The following ARHGEF26 variants were observed in gnomAD, a reference collection of about 807,000 sequenced individuals.
ARHGEF26 encodes Rho guanine nucleotide exchange factor 26.
Under a neutral mutation model 89.4 loss-of-function variants are expected in ARHGEF26, and 59 were observed. The observed-to-expected ratio is 0.66, with a 90% CI of 0.54 to 0.82. ARHGEF26 has a LOEUF of 0.82. Among genes scored for constraint, ARHGEF26 ranks in the 40% least tolerant of loss-of-function variants. The pLI is 0.00. For missense variants in ARHGEF26, 1,234 were observed against 1,085.6 expected (o/e 1.14, Z -1.92); for synonymous variants, 500 against 428.4 (o/e 1.17, Z -2.06).
intron 6 of ARHGEF26, among the ~76,000 whole-genome samples, chr3:154,181,530 T>C (rs951153832): frequency 2.0e-5 from 3 of 152,194 alleles, no homozygotes; most frequent in Admixed American, 2.0e-4. Context: ...GCATTGATTA[T>C]AACCAGAGCT....
chr3:154,157,735 T>C (rs1711499470), intron 6 of ARHGEF26, among the ~76,000 whole-genome samples: 1 of 152,076 alleles, frequency 6.6e-6, no homozygotes, highest in Admixed American at 6.6e-5. Context: ...TGACTATCAT[T>C]GGAAATTGTA....
At chr3:154,244,752 C>A (rs971533530) in intron 12 of ARHGEF26, among the ~76,000 whole-genome samples, 2 of 151,972 alleles carry the variant, frequency 1.3e-5, no homozygotes, top group African/African-American at 2.4e-5. Context: ...TCATTTTCTT[C>A]CCCCATGTGA....
At chr3:154,164,992 A>G (rs1302961402) in intron 6 of ARHGEF26, among the ~76,000 whole-genome samples, 2 of 152,168 alleles carry the variant, frequency 1.3e-5, no homozygotes, top group Admixed American at 6.5e-5. Context: ...GGCATTAAGG[A>G]TTTTTAGGAA....
intron 11 of ARHGEF26, among the ~76,000 whole-genome samples, chr3:154,235,894 T>C (rs1267247448): frequency 1.3e-5 from 2 of 152,194 alleles, no homozygotes; most frequent in Non-Finnish European, 1.5e-5. Flanking sequence ...CAGATACATA[T>C]ATGGAGCTTT....
At chr3:154,177,202 A>G (rs908794498) in intron 6 of ARHGEF26, among the ~76,000 whole-genome samples, 3 of 152,242 alleles carry the variant, frequency 2.0e-5, no homozygotes, top group Non-Finnish European at 4.4e-5. Flanking sequence ...TTATAATTCT[A>G]AATTTACTGT....
chr3:154,175,497 A>T (rs1712758525), intron 6 of ARHGEF26, among the ~76,000 whole-genome samples: 1 of 152,218 alleles, frequency 6.6e-6, no homozygotes, highest in South Asian at 2.1e-4. Context: ...AAAACCTTTA[A>T]AATTGTATTT....
chr3:154,189,299 G>A (rs1418860145), intron 7 of ARHGEF26, among the ~76,000 whole-genome samples: 1 of 149,902 alleles, frequency 6.7e-6, no homozygotes, highest in Non-Finnish European at 1.5e-5. Flanking sequence ...GTGGCAATTA[G>A]TAGTGTTTTC....
rs557546401 is a variant in ARHGEF26, at chr3:154,254,651, G to T, written c.2369-69G>T. 4 of 1,196,104 alleles carry T rather than the reference G, an allele frequency of 3.3e-6. No individual in the cohort carries two copies. In the African/African-American group the frequency reaches 6.0e-5, roughly 18 times the overall value. 74.1% of individuals were successfully genotyped at this position (1,196,104 alleles called of 1,614,324 possible). A position where few individuals can be genotyped will look rare whatever the true frequency, so the allele number is the denominator to read the frequency against. On this transcript the variant is annotated intron_variant, in intron 13 of 14. Transcript: ENST00000465093. ...GAATTGCAGAGAAAAATAAGTAAGTGTACATTATTGGATTGCACATGTTTT... is the reference window on the plus strand; with the variant it reads ...GAATTGCAGAGAAAAATAAGTAAGTTTACATTATTGGATTGCACATGTTTT...
At chr3:154,176,389 A>AT (rs1310923712) in intron 6 of ARHGEF26, among the ~76,000 whole-genome samples, 1 of 152,150 alleles carries the variant, frequency 6.6e-6, no homozygotes, top group Non-Finnish European at 1.5e-5. Flanking sequence ...CACTGTAATT[A>AT]TTAAGAGGCA....
intron 10 of ARHGEF26, among the ~76,000 whole-genome samples, chr3:154,222,239 A>G (rs1382443275): frequency 1.3e-5 from 2 of 152,146 alleles, no homozygotes; most frequent in Admixed American, 6.5e-5. Context: ...TTTGTAGGGC[A>G]TGTGTGTGTG....
At chr3:154,246,033 G>T (rs1029987425) in intron 12 of ARHGEF26, among the ~76,000 whole-genome samples, 7 of 152,166 alleles carry the variant, frequency 4.6e-5, no homozygotes, top group Non-Finnish European at 8.8e-5. Context: ...TCATGATCCA[G>T]TTAAAAATAA....
At chr3:154,197,351 A>T (rs1373689118) in intron 9 of ARHGEF26, among the ~76,000 whole-genome samples, 4 of 152,204 alleles carry the variant, frequency 2.6e-5, no homozygotes, top group Non-Finnish European at 5.9e-5. Flanking sequence ...AACAATATGA[A>T]TATTTTCAGC....
At chr3:154,225,099 T>C (rs1322352165) in intron 10 of ARHGEF26, among the ~76,000 whole-genome samples, 1 of 152,118 alleles carries the variant, frequency 6.6e-6, no homozygotes, top group Admixed American at 6.5e-5. Flanking sequence ...TTCTGTAGTT[T>C]TGAGAGTTTT....
At chr3:154,184,327 TAAATGAC>T (rs889467755) in intron 6 of ARHGEF26, among the ~76,000 whole-genome samples, 14 of 152,236 alleles carry the variant, frequency 9.2e-5, no homozygotes, top group African/African-American at 2.7e-4. Flanking sequence ...CAGTTGGAGT[TAAATGAC>T]AAATATTTCA....
chr3:154,217,966 C>G lies in ARHGEF26; in HGVS notation c.1935+8C>G, dbSNP rs1227909440. ...CTGGAATTTAAAATTAAGGTATTCTCGTACCTTGTTCATTACTGTTCTTGC... is the reference window on the plus strand; with the variant it reads ...CTGGAATTTAAAATTAAGGTATTCTGGTACCTTGTTCATTACTGTTCTTGC... On this transcript the variant is annotated splice_region_variant and intron_variant, in intron 10 of 14. Coordinates refer to ENST00000465093, the MANE Select transcript of ARHGEF26 (RefSeq NM_015595.4). 1.9e-6 allele frequency: 3 copies of G among 1,564,218 alleles called. No homozygotes were observed. The highest frequency in any genetic ancestry group is 2.7e-5 in the African/African-American group (2 of 73,892).
chr3:154,146,211 C>T (rs896012), intron 4 of ARHGEF26, among the ~76,000 whole-genome samples: 32,158 of 152,094 alleles, frequency 0.21, 4,432 homozygotes, highest in East Asian at 0.48. Context: ...TACATCTTCA[C>T]GTGGTAGAAG....
rs776704269 is a variant in ARHGEF26, at chr3:154,122,452, G to A, written c.460G>A (p.Ala154Thr). The stretch of plus-strand genomic sequence containing the variant: ...CCCCCCGCGGACTCCTAACGCGCCC[G>A]CCCCCTGCACCCCCGAGGAGGACCT... ...LRPPRTPNAP[A>T]PCTPEEDLTG... is the part of the protein sequence containing the mutation. The change falls in exon 2 of 15, where the codon GCC becomes ACC. Residue 154 changes from alanine (A) to threonine (T), a missense_variant. Physicochemically the swap from Ala to Thr is moderately conservative, Grantham distance 58. Transcript: ENST00000465093. 7 of 1,611,768 alleles carry A rather than the reference G, an allele frequency of 4.3e-6. No individual in the cohort carries two copies. Among genetic ancestry groups the A allele is most frequent in the Admixed American group, 3.3e-5 (2 of 59,896 alleles).
At chr3:154,200,604 G>A (rs545610284) in intron 9 of ARHGEF26, among the ~76,000 whole-genome samples, 1 of 151,758 alleles carries the variant, frequency 6.6e-6, no homozygotes, top group East Asian at 1.9e-4. Context: ...AATGTCATTG[G>A]TATTTTGTTA....
rs1331272937 is a variant in ARHGEF26 at position 154,257,008 on chromosome 3, A to G, written c.*1535A>G. Reference sequence around the variant, plus strand: ...CTTTAACAAAGGGATAAAACCTGGCAAAGTGTACATTATTGGAGGACTCAA... The same window carrying G: ...CTTTAACAAAGGGATAAAACCTGGCGAAGTGTACATTATTGGAGGACTCAA... On this transcript the variant is annotated 3_prime_UTR_variant, in exon 15 of 15. Transcript: ENST00000465093. 4.0e-6 allele frequency: 6 copies of G among 1,502,664 alleles called. No individual in the cohort carries two copies. The African/African-American group carries it at 7.0e-5, about 18-fold the overall frequency. 93.1% of individuals were successfully genotyped at this position (1,502,664 alleles called of 1,614,324 possible).
Sources: gnomAD v4.1 joint callset for allele counts (sites outside exome capture counted in the v4.1 genomes callset) on GRCh38, gnomAD v4.1.1 for gene constraint, MANE v1.5 for transcripts, NCBI Gene and HGNC (gene_info 2026-07-23, HGNC 2026-07-21) for gene names.